PLXNA4: variants seen among roughly 807,000 people sequenced by gnomAD.
PLXNA4 encodes the protein plexin-A4.
In PLXNA4, 44 loss-of-function variants were observed where a neutral mutation model predicts 191.8. The observed-to-expected ratio is 0.23, with a 90% CI of 0.18 to 0.29. PLXNA4 has a LOEUF of 0.29. PLXNA4 is among the 10% of genes least tolerant of loss of function. The pLI is 1.00. For missense variants in PLXNA4, 1,800 were observed against 2,488.8 expected (o/e 0.72, Z 5.89); for synonymous variants, 1,082 against 1,009.5 (o/e 1.07, Z -1.36).
At position 132,234,624 on chromosome 7, in the gene PLXNA4, GTGTGTA is replaced by G. The variant is rs1403295844; in HGVS notation, c.1605-6161_1605-6156del. ...TGTGTGTGTGTGTGTGTGTGTGTGT[GTGTGTA>G]TGTGTATTGGGGGCTTGGCGGGGGG... On this transcript the variant is annotated intron_variant, in intron 5 of 31. Transcript: ENST00000321063. Among the ~76,000 whole-genome samples the G allele has an allele frequency of 2.5e-4, 38 of 151,242 alleles. 1 individual carries two copies. The highest frequency in any genetic ancestry group is 3.2e-4 in the Non-Finnish European group (22 of 67,736).
intron 1 of PLXNA4, among the ~76,000 whole-genome samples, chr7:132,573,934 T>C (rs1373995377): frequency 6.6e-6 from 1 of 151,906 alleles, no homozygotes; most frequent in Non-Finnish European, 1.5e-5. Flanking sequence ...TCAGAGAACT[T>C]AAAAGGAAGG....
At chr7:132,428,270 T>C (rs1033216386) in intron 3 of PLXNA4, among the ~76,000 whole-genome samples, 1 of 152,196 alleles carries the variant, frequency 6.6e-6, no homozygotes, top group African/African-American at 2.4e-5. Flanking sequence ...AAAGATCTCA[T>C]AGCAGGGACC....
intron 3 of PLXNA4, among the ~76,000 whole-genome samples, chr7:132,302,089 T>C (rs1801328981): frequency 1.3e-5 from 2 of 152,172 alleles, no homozygotes; most frequent in Admixed American, 1.3e-4. Flanking sequence ...ATAATGAGTC[T>C]CCATGGGACT....
At chr7:132,624,947 A>G (rs531057341) in intron 2 of PLXNA4, among the ~76,000 whole-genome samples, 94 of 152,166 alleles carry the variant, frequency 6.2e-4, no homozygotes, top group Admixed American at 2.6e-3. Context: ...TAGATTGCCC[A>G]ATTTATTCTC....
chr7:132,572,725 A>G (rs1216361596), intron 1 of PLXNA4, among the ~76,000 whole-genome samples: 1 of 152,218 alleles, frequency 6.6e-6, no homozygotes, highest in Admixed American at 6.5e-5. Context: ...AGTGAGGACA[A>G]CATGAAAGAA....
At chr7:132,537,044 C>A (rs565686011) in intron 1 of PLXNA4, among the ~76,000 whole-genome samples, 1 of 152,206 alleles carries the variant, frequency 6.6e-6, no homozygotes, top group Non-Finnish European at 1.5e-5. Context: ...AGCCTTGAAG[C>A]GACAGGTTAC....
intron 1 of PLXNA4, among the ~76,000 whole-genome samples, chr7:132,518,831 G>T (rs1263033242): frequency 6.6e-6 from 1 of 152,086 alleles, no homozygotes; most frequent in Non-Finnish European, 1.5e-5. Flanking sequence ...TGGTTTCCAC[G>T]CCCTCCTTCC....
intron 3 of PLXNA4, among the ~76,000 whole-genome samples, chr7:132,311,193 T>TGTGTGTGTGTGTGCGCGC (rs71178034): frequency 4.0e-4 from 36 of 89,906 alleles, no homozygotes; most frequent in African/African-American, 6.5e-4. Context: ...TGTGTGTGTG[T>TGTGTGTGTGTGTGCGCGC]GCGCGTGTGG....
chr7:132,135,566 A>G (rs1213804655), intron 30 of PLXNA4, among the ~76,000 whole-genome samples: 2 of 152,226 alleles, frequency 1.3e-5, no homozygotes, highest in African/African-American at 4.8e-5. Flanking sequence ...CACTAGGGAA[A>G]AAAACAGAAG....
At chr7:132,203,207 G>A in intron 11 of PLXNA4, 116 bp downstream of exon 11, 1 of 893,908 alleles carries the variant, frequency 1.1e-6, no homozygotes, top group Non-Finnish European at 1.8e-6. Context: ...AGAGGGAGAG[G>A]GACAGCCACT....
At chr7:132,328,361 C>T (rs1802455713) in intron 3 of PLXNA4, among the ~76,000 whole-genome samples, 1 of 152,178 alleles carries the variant, frequency 6.6e-6, no homozygotes, top group African/African-American at 2.4e-5. Context: ...ACCCCATGGT[C>T]TTCCTCCCAC....
intron 1 of PLXNA4, among the ~76,000 whole-genome samples, chr7:132,550,380 CAA>C (rs951922868): frequency 6.6e-6 from 1 of 152,014 alleles, no homozygotes; most frequent in African/African-American, 2.4e-5. Context: ...CTTGATCCAT[CAA>C]AAAAAGTTGT....
At chr7:132,165,053 T>G (rs919430095) in intron 23 of PLXNA4, 81 bp downstream of exon 23, 3 of 1,547,606 alleles carry the variant, frequency 1.9e-6, no homozygotes, top group East Asian at 4.6e-5. Context: ...AAGGGAGGAC[T>G]CGGGGGTGTG....
intron 3 of PLXNA4, among the ~76,000 whole-genome samples, chr7:132,355,217 C>T (rs1340327215): frequency 3.9e-5 from 6 of 152,154 alleles, no homozygotes; most frequent in South Asian, 2.1e-4. Context: ...GCAGGGATGA[C>T]GCTTCCTGCT....
chr7:132,147,599 A>G (rs958494771), intron 27 of PLXNA4, among the ~76,000 whole-genome samples: 3 of 152,230 alleles, frequency 2.0e-5, no homozygotes, highest in South Asian at 2.1e-4. Context: ...AATAATAATT[A>G]TTTAATTCAC....
chr7:132,340,248 A>T (rs983264861), intron 3 of PLXNA4, among the ~76,000 whole-genome samples: 2 of 152,174 alleles, frequency 1.3e-5, no homozygotes, highest in African/African-American at 2.4e-5. Context: ...CACTCCTCCC[A>T]TCCCTCTTCA....
chr7:132,363,227 C>T (rs1444372166), intron 3 of PLXNA4, among the ~76,000 whole-genome samples: 1 of 152,176 alleles, frequency 6.6e-6, no homozygotes, highest in African/African-American at 2.4e-5. Context: ...TCAAGTGATC[C>T]ACCCATCTCG....
At chr7:132,336,463 C>G (rs1802819926) in intron 3 of PLXNA4, among the ~76,000 whole-genome samples, 1 of 152,190 alleles carries the variant, frequency 6.6e-6, no homozygotes, top group African/African-American at 2.4e-5. Context: ...CCTCTTCCTA[C>G]TTGGTACTTA....
chr7:132,149,536 C>T (rs1011963870), intron 25 of PLXNA4, among the ~76,000 whole-genome samples: 2 of 152,212 alleles, frequency 1.3e-5, no homozygotes, highest in African/African-American at 4.8e-5. Context: ...TGTATGAGCT[C>T]ACGCATCCAC....
Sources: allele counts gnomAD v4.1 joint callset (sites outside exome capture counted in the v4.1 genomes callset), GRCh38; gene constraint gnomAD v4.1.1; transcripts MANE v1.5; gene names NCBI Gene and HGNC (gene_info 2026-07-23, HGNC 2026-07-21).